Variants in PTBP3 observed in about 807,000 individuals in gnomAD.
PTBP3 encodes polypyrimidine tract-binding protein 3.
Under a neutral mutation model 58.7 loss-of-function variants are expected in PTBP3, and 20 were observed. That is an observed-to-expected ratio of 0.34 (90% CI 0.24 to 0.50). The LOEUF (loss-of-function observed/expected upper bound fraction) is 0.50. PTBP3 is among the 20% of genes least tolerant of loss of function. The probability of loss-of-function intolerance (pLI) is 0.98; values close to 1 mark genes in which losing one functional copy is unlikely to be tolerated. For missense variants in PTBP3, 509 were observed against 637.2 expected (o/e 0.80, Z 2.17); for synonymous variants, 185 against 219.8 (o/e 0.84, Z 1.40).
chr9:112,346,327 C>A, the PTBP3 span, among the ~76,000 whole-genome samples: 1 of 152,054 alleles, frequency 6.6e-6, no homozygotes, highest in South Asian at 2.1e-4. Flanking sequence ...CCACCATGCC[C>A]AGCTAATTTT....
intron 6 of PTBP3, 88 bp from the exon 7 acceptor site, chr9:112,251,191 G>A (rs779711509): frequency 3.7e-5 from 41 of 1,115,772 alleles, no homozygotes; most frequent in Non-Finnish European, 4.8e-5. Flanking sequence ...GTGGCAATCA[G>A]GTGTAAGGCA....
the PTBP3 span, among the ~76,000 whole-genome samples, chr9:112,378,318 A>T: frequency 6.6e-6 from 1 of 152,266 alleles, no homozygotes; most frequent in Non-Finnish European, 1.5e-5. Flanking sequence ...AAGTATAAAA[A>T]TAGTGTAAGT....
At position 112,306,557 on chromosome 9, in the gene PTBP3, C is replaced by G. The variant is rs1829221290; in HGVS notation, c.-51-8641G>C. Among the ~76,000 whole-genome samples, 3 of 149,924 alleles carry G rather than the reference C, an allele frequency of 2.0e-5. No individual in the cohort carries two copies. The Admixed American group carries it at 2.0e-4, about 10-fold the overall frequency. On this transcript the variant is annotated intron_variant, in intron 1 of 13. Transcript: ENST00000374257. ...GAAAATATGATCAAATATTCAAGTA[C>G]AGAAAAACCAGAAAATTAATTTAAA... is the stretch of plus-strand genomic sequence containing the variant.
At chr9:112,358,116 T>C in the PTBP3 span, among the ~76,000 whole-genome samples, 2 of 152,236 alleles carry the variant, frequency 1.3e-5, no homozygotes, top group Non-Finnish European at 2.9e-5. Flanking sequence ...AAGACCAGGC[T>C]GGCCAACGTG....
Position 112,220,175 on chromosome 9 carries a change from A to AT in PTBP3, c.*3675dup, listed in dbSNP as rs761818591. On this transcript the variant is annotated 3_prime_UTR_variant, in exon 14 of 14. Transcript: ENST00000374257. ...GGGAAAAACACATGTACTTTTGTCA[A>AT]TTTTTTGTCCAAAAATATCTCGTGG... is the stretch of plus-strand genomic sequence containing the variant. 86 of 1,335,048 alleles carry AT rather than the reference A, an allele frequency of 6.4e-5. No homozygotes were observed. The highest frequency in any genetic ancestry group is 8.0e-5 in the Non-Finnish European group (81 of 1,013,570). 82.7% of individuals were successfully genotyped at this position (1,335,048 alleles called of 1,614,324 possible).
chr9:112,376,774 T>C, the PTBP3 span, among the ~76,000 whole-genome samples: 1 of 152,164 alleles, frequency 6.6e-6, no homozygotes, highest in African/African-American at 2.4e-5. Flanking sequence ...GCTGATTAGA[T>C]GGTACCCACT....
the PTBP3 span, among the ~76,000 whole-genome samples, chr9:112,345,878 A>T: frequency 6.6e-6 from 1 of 151,836 alleles, no homozygotes; most frequent in African/African-American, 2.4e-5. Context: ...TTTTTGAGAC[A>T]GAGTCTCGCT....
chr9:112,295,066 CCT>C (rs1383140732), intron 2 of PTBP3, among the ~76,000 whole-genome samples: 1 of 151,940 alleles, frequency 6.6e-6, no homozygotes, highest in African/African-American at 2.4e-5. Flanking sequence ...ATGGTGAAAC[CCT>C]GTCTCTACTA....
At chr9:112,332,698 C>T (rs1830424413) in intron 1 of PTBP3, 1 of 1,515,032 alleles carries the variant, frequency 6.6e-7, no homozygotes, top group African/African-American at 1.4e-5. Flanking sequence ...GACTCTAAAT[C>T]TTTTTATTTT....
chr9:112,231,435 TA>T lies in PTBP3; in HGVS notation c.1021-23del. 1.9e-6 allele frequency: 3 copies of T among 1,559,512 alleles called. No homozygotes were observed. In the Admixed American group the frequency reaches 5.8e-5, roughly 30 times the overall value. ...TAAGCTGTAAAGGGTAACACAAAGT[TA>T]AGTGTCTGACAATTTAAGTAAAAAT... On this transcript the variant is annotated intron_variant, in intron 9 of 13. Coordinates refer to ENST00000374257, the MANE Select transcript of PTBP3 (RefSeq NM_001163788.4).
At chr9:112,373,043 GC>G in the PTBP3 span, among the ~76,000 whole-genome samples, 1 of 150,636 alleles carries the variant, frequency 6.6e-6, no homozygotes, top group Non-Finnish European at 1.5e-5. Flanking sequence ...TACAGTGCCC[GC>G]CACCATGCCC....
the PTBP3 span, among the ~76,000 whole-genome samples, chr9:112,340,426 A>G: frequency 6.6e-6 from 1 of 152,028 alleles, no homozygotes; most frequent in South Asian, 2.1e-4. Flanking sequence ...TCTCAAGTCT[A>G]TTCTCTCCAA....
the PTBP3 span, among the ~76,000 whole-genome samples, chr9:112,376,775 G>T: frequency 3.9e-5 from 6 of 152,086 alleles, no homozygotes; most frequent in African/African-American, 1.2e-4. Flanking sequence ...CTGATTAGAT[G>T]GTACCCACTC....
chr9:112,342,105 C>T, the PTBP3 span, among the ~76,000 whole-genome samples: 1 of 152,198 alleles, frequency 6.6e-6, no homozygotes, highest in African/African-American at 2.4e-5. Flanking sequence ...GGCAAGTTTT[C>T]TCTCTTCTGG....
intron 2 of PTBP3, among the ~76,000 whole-genome samples, chr9:112,291,332 T>C (rs895640997): frequency 3.3e-5 from 5 of 151,136 alleles, no homozygotes; most frequent in African/African-American, 1.2e-4. Flanking sequence ...GCAATCCTTA[T>C]CAAAATCCCA....
chr9:112,234,756 G>A, intron 8 of PTBP3, 64 bp downstream of exon 8: 1 of 1,423,720 alleles, frequency 7.0e-7, no homozygotes. Context: ...CTTCATCTTG[G>A]TAAGTTCCTA....
the PTBP3 span, among the ~76,000 whole-genome samples, chr9:112,342,726 A>C: frequency 1.2e-5 from 1 of 81,592 alleles, no homozygotes; most frequent in East Asian, 4.4e-4. Flanking sequence ...AAGAAAGAAA[A>C]ACAAAGAAGA....
the PTBP3 span, among the ~76,000 whole-genome samples, chr9:112,377,233 T>C: frequency 3.3e-5 from 5 of 152,188 alleles, no homozygotes; most frequent in Non-Finnish European, 7.4e-5. Context: ...CCAGGTGTGG[T>C]GGCACATGCC....
In PTBP3 at chr9:112,223,201, CTTAAAAAG is replaced by C. The variant is rs1834861611; in HGVS notation, c.*642_*649del. 1 of 932,518 alleles carries C rather than the reference CTTAAAAAG, an allele frequency of 1.1e-6. No individual in the cohort carries two copies. 57.8% of individuals were successfully genotyped at this position (932,518 alleles called of 1,614,324 possible). ...GAGACACTGCATTTTTCCAAATAGT[CTTAAAAAG>C]TTAAAGATAGGCATTATTTAAAGGA... On this transcript the variant is annotated 3_prime_UTR_variant, in exon 14 of 14. Coordinates refer to ENST00000374257, the MANE Select transcript of PTBP3 (RefSeq NM_001163788.4).
Sources: gnomAD v4.1 joint callset for allele counts (sites outside exome capture counted in the v4.1 genomes callset) on GRCh38, gnomAD v4.1.1 for gene constraint, MANE v1.5 for transcripts, NCBI Gene and HGNC (gene_info 2026-07-23, HGNC 2026-07-21) for gene names.